The following MYOCD variants were observed in gnomAD, a reference collection of about 807,000 sequenced individuals.
MYOCD encodes the protein myocardin.
MYOCD carries 32 observed loss-of-function variants against 96.1 expected under a neutral mutation model. The observed-to-expected ratio is 0.33, with a 90% CI of 0.25 to 0.45. The LOEUF (loss-of-function observed/expected upper bound fraction) is 0.45. MYOCD is among the 20% of genes least tolerant of loss of function. MYOCD has a pLI of 1.00. For synonymous variants in MYOCD, 469 were observed against 469.0 expected, an observed-to-expected ratio of 1.00 and a Z score of 0.00; for missense variants, 1,133 against 1,200.6, an observed-to-expected ratio of 0.94 and a Z score of 0.83.
intron 1 of MYOCD, among the ~76,000 whole-genome samples, chr17:12,676,317 T>C (rs1018058411): frequency 6.9e-6 from 1 of 144,970 alleles, no homozygotes; most frequent in Non-Finnish European, 1.5e-5. Context: ...CATAAGACAG[T>C]AAAAAAAGAA....
chr17:12,746,226 G>A (rs564688745), intron 9 of MYOCD, among the ~76,000 whole-genome samples, 154 bp downstream of exon 9: 1 of 152,324 alleles, frequency 6.6e-6, no homozygotes, highest in Non-Finnish European at 1.5e-5. Flanking sequence ...TTATCCTGCT[G>A]TGGTTGAACA....
Position 12,765,027 on chromosome 17 carries a change from T to C in MYOCD, c.*1383T>C, listed in dbSNP as rs1177663228. 2 of 152,174 alleles carry C rather than the reference T, an allele frequency of 1.3e-5. No homozygotes were observed. Among genetic ancestry groups the C allele is most frequent in the African/African-American group, 4.8e-5 (2 of 41,438 alleles). The allele number at this position is 152,174 out of a possible 1,614,324, so 9.4% of individuals were successfully genotyped here. On this transcript the variant is annotated 3_prime_UTR_variant, in exon 14 of 14. Coordinates refer to ENST00000425538, the MANE Select transcript of MYOCD (RefSeq NM_001146312.3). ...GAAATCATTACATTGTAAAGACAAATATGGATGATATTTACAAGAGAGAAT... is the reference window on the plus strand; with the variant it reads ...GAAATCATTACATTGTAAAGACAAACATGGATGATATTTACAAGAGAGAAT...
At chr17:12,672,850 T>C (rs978872598) in intron 1 of MYOCD, among the ~76,000 whole-genome samples, 1 of 152,218 alleles carries the variant, frequency 6.6e-6, no homozygotes, top group East Asian at 1.9e-4. Flanking sequence ...CAATGATTAA[T>C]GGATACACAG....
At chr17:12,726,943 C>T (rs560539473) in intron 5 of MYOCD, among the ~76,000 whole-genome samples, 1 of 152,162 alleles carries the variant, frequency 6.6e-6, no homozygotes, top group East Asian at 1.9e-4. Flanking sequence ...TTAATTTGTA[C>T]AACTTACCTA....
At chr17:12,671,786 C>T (rs1314563129) in intron 1 of MYOCD, 1 of 152,150 alleles carries the variant, frequency 6.6e-6, no homozygotes, top group Non-Finnish European at 1.5e-5. Context: ...AGGGCAGAAG[C>T]AAAATACTCC....
intron 1 of MYOCD, among the ~76,000 whole-genome samples, chr17:12,682,691 C>T (rs1910549134): frequency 6.6e-6 from 1 of 152,192 alleles, no homozygotes; most frequent in Non-Finnish European, 1.5e-5. Flanking sequence ...TTCAACACTT[C>T]TTAACCCAGG....
intron 10 of MYOCD, among the ~76,000 whole-genome samples, chr17:12,753,638 A>G (rs2032927919): frequency 6.6e-6 from 1 of 152,222 alleles, no homozygotes; most frequent in African/African-American, 2.4e-5. Context: ...TTGTTTCACA[A>G]AAGCAGCCAT....
chr17:12,743,871 T>C (rs918526049), intron 7 of MYOCD, among the ~76,000 whole-genome samples: 11 of 152,168 alleles, frequency 7.2e-5, no homozygotes, highest in African/African-American at 2.7e-4. Context: ...GGTTTTAGGT[T>C]AGGAGAATGC....
In MYOCD at chr17:12,765,813, A is replaced by T. The variant is rs1271968413; in HGVS notation, c.*2169A>T. 2 of 152,244 alleles carry T rather than the reference A, an allele frequency of 1.3e-5. No homozygotes were observed. The highest frequency in any genetic ancestry group is 2.4e-5 in the African/African-American group (1 of 41,462). 9.4% of individuals were successfully genotyped at this position (152,244 alleles called of 1,614,324 possible). A position where few individuals can be genotyped will look rare whatever the true frequency, so the allele number is the denominator to read the frequency against. On this transcript the variant is annotated 3_prime_UTR_variant, in exon 14 of 14. Transcript: ENST00000425538. ...TGGCAATGAATATGGATGTGAAAAG[A>T]CAGAACAGCTTCACCATTAGTAGCT... is the stretch of plus-strand genomic sequence containing the variant.
intron 1 of MYOCD, among the ~76,000 whole-genome samples, chr17:12,697,361 T>TATATA (rs1567576270): frequency 4.4e-3 from 190 of 43,526 alleles, no homozygotes; most frequent in Non-Finnish European, 5.4e-3. Flanking sequence ...ATATATATAT[T>TATATA]TTTTTTTTTT....
intron 6 of MYOCD, among the ~76,000 whole-genome samples, chr17:12,737,267 A>C (rs539945280): frequency 6.6e-6 from 1 of 152,162 alleles, no homozygotes; most frequent in Non-Finnish European, 1.5e-5. Flanking sequence ...AAGGGGGAAA[A>C]AAAAAGAATA....
chr17:12,756,695 C>CAAAA (rs11307445), intron 11 of MYOCD, 138 bp downstream of exon 11: 3 of 142,212 alleles, frequency 2.1e-5, no homozygotes, highest in Non-Finnish European at 3.6e-5. Context: ...GACTGCATCT[C>CAAAA]AAAAAAAAAA....
intron 1 of MYOCD, among the ~76,000 whole-genome samples, chr17:12,668,358 G>A (rs556684005): frequency 1.3e-5 from 2 of 152,128 alleles, no homozygotes; most frequent in African/African-American, 2.4e-5. Flanking sequence ...GTGGTATTAT[G>A]TATTCCATTA....
At chr17:12,712,559 T>C (rs1189091768) in intron 2 of MYOCD, among the ~76,000 whole-genome samples, 5 of 152,170 alleles carry the variant, frequency 3.3e-5, no homozygotes, top group Non-Finnish European at 5.9e-5. Flanking sequence ...AGGAAGACTG[T>C]TCTTATCTTG....
rs200608681 is a variant in MYOCD, at chr17:12,753,084, C to T, written c.1796C>T (p.Pro599Leu). 58 of 1,614,202 alleles carry T rather than the reference C, an allele frequency of 3.6e-5. No homozygotes were observed. Among genetic ancestry groups the T allele is most frequent in the South Asian group, 2.3e-4 (21 of 91,084 alleles). The change falls in exon 10 of 14, where the codon CCG becomes CTG. Residue 599 changes from proline (P) to leucine (L), a missense_variant. Coordinates refer to ENST00000425538, the MANE Select transcript of MYOCD (RefSeq NM_001146312.3). ...AGCAGCAGCTCAGAGTGTCACCCAC[C>T]GGCTTGTGAAGCTGCTCAACTCCAG... ...RQSSSSECHP[P>L]ACEAAQLQPL...
At chr17:12,708,834 TCTCCTGATC>T (rs2031388378) in intron 2 of MYOCD, among the ~76,000 whole-genome samples, 1 of 152,162 alleles carries the variant, frequency 6.6e-6, no homozygotes, top group Admixed American at 6.6e-5. Flanking sequence ...AGAACCTGTG[TCTCCTGATC>T]CCCGCCTAGG....
chr17:12,709,450 G>C (rs1467063425), intron 2 of MYOCD, among the ~76,000 whole-genome samples: 1 of 152,114 alleles, frequency 6.6e-6, no homozygotes, highest in Non-Finnish European at 1.5e-5. Context: ...AGACAGGCAG[G>C]GTTCTGAGGC....
chr17:12,752,573 A>C lies in MYOCD; in HGVS notation c.1285A>C (p.Thr429Pro), dbSNP rs746170448. The change falls in exon 10 of 14, where the codon ACG becomes CCG. Residue 429 changes from threonine to proline, a missense_variant. Thr to Pro is a conservative substitution (Grantham distance 38). Coordinates refer to ENST00000425538, the MANE Select transcript of MYOCD (RefSeq NM_001146312.3). ...TGTCACTTTTCCTGTCACACCCAACACGCTGCCCAATTACCAGTCTTCCTC... is the reference window on the plus strand; with the variant it reads ...TGTCACTTTTCCTGTCACACCCAACCCGCTGCCCAATTACCAGTCTTCCTC... ...TTVTFPVTPN[T>P]LPNYQSSSST... The C allele has an allele frequency of 5.4e-5, 87 of 1,614,112 alleles. No individual in the cohort carries two copies. In the East Asian group the frequency reaches 1.2e-3, roughly 23 times the overall value.
In MYOCD at chr17:12,768,807, A is replaced by G. The variant is rs1411467213; in HGVS notation, c.*5163A>G. ...TTTTCACGTTGGTCTCTTTGGCTCA[A>G]TTGAGCATAATCAGAAAGAAATGTG... On this transcript the variant is annotated 3_prime_UTR_variant, in exon 14 of 14. Coordinates refer to ENST00000425538, the MANE Select transcript of MYOCD (RefSeq NM_001146312.3). 2 of 151,984 alleles carry G rather than the reference A, an allele frequency of 1.3e-5. No individual in the cohort carries two copies. Among genetic ancestry groups the G allele is most frequent in the South Asian group, 2.1e-4 (1 of 4,816 alleles). 9.4% of individuals were successfully genotyped at this position (151,984 alleles called of 1,614,324 possible). A position where few individuals can be genotyped will look rare whatever the true frequency, so the allele number is the denominator to read the frequency against.
Sources: gnomAD v4.1 joint callset for allele counts (sites outside exome capture counted in the v4.1 genomes callset) on GRCh38, gnomAD v4.1.1 for gene constraint, MANE v1.5 for transcripts, NCBI Gene and HGNC (gene_info 2026-07-23, HGNC 2026-07-21) for gene names.